Variants in SLC6A2 observed in about 807,000 individuals in gnomAD.
SLC6A2 encodes solute carrier family 6 member 2.
A neutral mutation model predicts 71.7 loss-of-function variants in SLC6A2; 26 were observed. The observed-to-expected ratio is 0.36, with a 90% confidence interval of 0.27 to 0.50. The LOEUF (loss-of-function observed/expected upper bound fraction) is 0.50. Ranked by LOEUF, SLC6A2 falls within the 20% of genes least tolerant of loss-of-function variation. SLC6A2 has a pLI of 0.96. For missense variants in SLC6A2, 581 were observed against 803.9 expected (o/e 0.72, Z 3.35); for synonymous variants, 363 against 337.9 (o/e 1.07, Z -0.82).
intron 2 of SLC6A2, among the ~76,000 whole-genome samples, chr16:55,658,229 G>A (rs1160085119): frequency 6.6e-6 from 1 of 152,104 alleles, no homozygotes; most frequent in Non-Finnish European, 1.5e-5. Flanking sequence ...AAAAGGAGTG[G>A]GGCCGGGCAT....
At chr16:55,662,890 G>T (rs560119131) in intron 2 of SLC6A2, among the ~76,000 whole-genome samples, 4 of 152,124 alleles carry the variant, frequency 2.6e-5, no homozygotes, top group Admixed American at 6.5e-5. Context: ...ATGTTTGGGG[G>T]TTTCTCCCAG....
chr16:55,683,275 C>A (rs757884001), intron 4 of SLC6A2, among the ~76,000 whole-genome samples: 4 of 152,052 alleles, frequency 2.6e-5, no homozygotes, highest in Non-Finnish European at 5.9e-5. Flanking sequence ...TACAAGGGAC[C>A]CCAATATTCT....
intron 10 of SLC6A2, 108 bp from the exon 11 acceptor site, chr16:55,698,361 G>A: frequency 1.2e-6 from 1 of 821,940 alleles, no homozygotes; most frequent in Non-Finnish European, 2.1e-6. Context: ...TTTTCAAATA[G>A]AGCTCCGAGC....
intron 6 of SLC6A2, 102 bp downstream of exon 6, chr16:55,692,154 C>A: frequency 7.4e-7 from 1 of 1,347,160 alleles, no homozygotes; most frequent in Non-Finnish European, 1.1e-6. Flanking sequence ...CACAAATGTG[C>A]AGTGTAGCCT....
chr16:55,702,599 T>C lies in SLC6A2; in HGVS notation c.*253T>C. ...TGACTTCTGTTCTGTCCCCGCTGTT[T>C]TGGGGGAAGTCTCTCCCACTTTGGG... On this transcript the variant is annotated 3_prime_UTR_variant, in exon 15 of 15. Coordinates refer to ENST00000568943, the MANE Select transcript of SLC6A2 (RefSeq NM_001172501.3). The C allele has an allele frequency of 7.1e-7, 1 of 1,407,650 alleles. No individual in the cohort carries two copies. 87.2% of individuals were successfully genotyped at this position (1,407,650 alleles called of 1,614,324 possible).
At chr16:55,701,438 G>A (rs8049681) in intron 13 of SLC6A2, among the ~76,000 whole-genome samples, 31,353 of 152,060 alleles carry the variant, frequency 0.21, 3,770 homozygotes, top group African/African-American at 0.34. Context: ...CCCCACAAGT[G>A]CCTCCACTGC....
chr16:55,704,592 C>G lies in SLC6A2; in HGVS notation c.*2246C>G, dbSNP rs1415603099. ...TGCTCTCTTTTGATGAAAATAATCA[C>G]TCTTTGGAATAGTTGGATGTGAAAA... On this transcript the variant is annotated 3_prime_UTR_variant, in exon 15 of 15. Coordinates refer to ENST00000568943, the MANE Select transcript of SLC6A2 (RefSeq NM_001172501.3). The G allele has an allele frequency of 6.6e-6, 1 of 152,196 alleles. No homozygotes were observed. The highest frequency in any genetic ancestry group is 2.4e-5 in the African/African-American group (1 of 41,444). 9.4% of individuals were successfully genotyped at this position (152,196 alleles called of 1,614,324 possible).
chr16:55,684,315 A>AAC (rs1555504319), intron 4 of SLC6A2, among the ~76,000 whole-genome samples: 4,043 of 146,476 alleles, frequency 0.028, 181 homozygotes, highest in African/African-American at 0.092. Flanking sequence ...AAAAAAAAAA[A>AAC]AACAACAACA....
chr16:55,676,842 TA>T (rs1965104633), intron 4 of SLC6A2, among the ~76,000 whole-genome samples: 1 of 152,176 alleles, frequency 6.6e-6, no homozygotes, highest in Admixed American at 6.5e-5. Context: ...TAAGTGGCAT[TA>T]AAAGTCTATT....
Position 55,702,517 on chromosome 16 carries a change from C to A in SLC6A2, c.*171C>A. Reference sequence around the variant, plus strand: ...TTTCGTGACTGTAGTTTTTGTTCACCTTCTGTGCATCTGGCCTGGGGGCTG... The same window carrying A: ...TTTCGTGACTGTAGTTTTTGTTCACATTCTGTGCATCTGGCCTGGGGGCTG... On this transcript the variant is annotated 3_prime_UTR_variant, in exon 15 of 15. Coordinates refer to ENST00000568943, the MANE Select transcript of SLC6A2 (RefSeq NM_001172501.3). The A allele has an allele frequency of 1.3e-6, 2 of 1,519,304 alleles. No individual in the cohort carries two copies. Among genetic ancestry groups the A allele is most frequent in the East Asian group, 2.5e-5 (1 of 40,588 alleles). The allele number at this position is 1,519,304 out of a possible 1,614,324, so 94.1% of individuals were successfully genotyped here. A position where few individuals can be genotyped will look rare whatever the true frequency, so the allele number is the denominator to read the frequency against.
chr16:55,697,879 C>T lies in SLC6A2; in HGVS notation c.1261-18C>T, dbSNP rs1965848096. 1 of 1,613,640 alleles carries T rather than the reference C, an allele frequency of 6.2e-7. No homozygotes were observed. Among genetic ancestry groups the T allele is most frequent in the Admixed American group, 1.7e-5 (1 of 60,006 alleles). The stretch of plus-strand genomic sequence containing the variant: ...GAGACCCTAATTCCTGCACCCCACC[C>T]CTCCTGGTTCCCTCCAGATGGGAGG... On this transcript the variant is annotated intron_variant, in intron 9 of 14. Transcript: ENST00000568943.
chr16:55,697,148 A>G (rs187559411), intron 9 of SLC6A2, among the ~76,000 whole-genome samples: 166 of 152,288 alleles, frequency 1.1e-3, no homozygotes, highest in African/African-American at 3.5e-3. Context: ...AATCTTATGG[A>G]AGGGCTGGCA....
At position 55,672,000 on chromosome 16, in the gene SLC6A2, G is replaced by T; in HGVS notation, c.469G>T (p.Ala157Ser). Residue 157 changes from alanine (A) to serine (S), a missense_variant, in exon 4 of 15, where the codon GCC becomes TCC. Around this residue, in one of 5 missense-constraint regions of SLC6A2, gnomAD observed 81 missense variants for 152.4 expected, o/e 0.53. Coordinates refer to ENST00000568943, the MANE Select transcript of SLC6A2 (RefSeq NM_001172501.3). ...YVGFYYNVIIAWSLYYLFSSF... is the reference protein window; with the variant it reads ...YVGFYYNVIISWSLYYLFSSF... ...TGGCTTCTACTACAACGTCATCATC[G>T]CCTGGTCACTCTACTACCTCTTCTC... 1.9e-6 allele frequency: 3 copies of T among 1,614,004 alleles called. No individual in the cohort carries two copies. Among genetic ancestry groups the T allele is most frequent in the Non-Finnish European group, 2.5e-6 (3 of 1,180,022 alleles).
In SLC6A2 at chr16:55,662,069, A is replaced by G. The variant is rs567986756; in HGVS notation, c.274+5101A>G. On this transcript the variant is annotated intron_variant, in intron 2 of 14. Transcript: ENST00000568943. ...AGCCAGCTGGTGTGGCACTCAGCTG[A>G]CAAGTCTGTACATCCCTTGGCAGAA... Among the ~76,000 whole-genome samples, 11 of 152,330 alleles carry G rather than the reference A, an allele frequency of 7.2e-5. No individual in the cohort carries two copies. In the East Asian group the frequency reaches 1.7e-3, roughly 24 times the overall value.
intron 4 of SLC6A2, among the ~76,000 whole-genome samples, chr16:55,672,965 T>C (rs564797280): frequency 6.6e-6 from 1 of 152,340 alleles, no homozygotes; most frequent in Admixed American, 6.5e-5. Context: ...TACATAACCA[T>C]GGTCTGAGTT....
intron 4 of SLC6A2, among the ~76,000 whole-genome samples, chr16:55,681,694 A>G (rs1331093587): frequency 2.0e-5 from 3 of 152,220 alleles, no homozygotes; most frequent in African/African-American, 2.4e-5. Flanking sequence ...GACTCAGGGT[A>G]TATGTTTTCC....
chr16:55,660,740 A>G (rs1964588777), intron 2 of SLC6A2, among the ~76,000 whole-genome samples: 1 of 152,132 alleles, frequency 6.6e-6, no homozygotes, highest in Non-Finnish European at 1.5e-5. Flanking sequence ...TTCCTTTCCA[A>G]TGCCCTGGCT....
Position 55,698,321 on chromosome 16 carries a change from T to C in SLC6A2, c.1390-148T>C. Reference sequence around the variant, plus strand: ...GAAACTGAGGTGACTGTAACGTCAATACAACAGCACCACAGCCCTATGCCC... The same window carrying C: ...GAAACTGAGGTGACTGTAACGTCAACACAACAGCACCACAGCCCTATGCCC... On this transcript the variant is annotated intron_variant, in intron 10 of 14. Transcript: ENST00000568943. 8.2e-6 allele frequency: 6 copies of C among 732,494 alleles called. No homozygotes were observed. In the Admixed American group the frequency reaches 1.0e-4, roughly 12 times the overall value. 45.4% of individuals were successfully genotyped at this position (732,494 alleles called of 1,614,324 possible). A position where few individuals can be genotyped will look rare whatever the true frequency, so the allele number is the denominator to read the frequency against.
intron 2 of SLC6A2, among the ~76,000 whole-genome samples, chr16:55,658,025 T>C (rs1964506970): frequency 6.6e-6 from 1 of 152,068 alleles, no homozygotes; most frequent in Non-Finnish European, 1.5e-5. Context: ...AGCCTCTCTC[T>C]CTCCACTGGG....
Sources: allele counts gnomAD v4.1 joint callset (sites outside exome capture counted in the v4.1 genomes callset), GRCh38; gene constraint gnomAD v4.1.1; regional missense constraint gnomAD v4.1.1; transcripts MANE v1.5; gene names NCBI Gene and HGNC (gene_info 2026-07-23, HGNC 2026-07-21).